The following SLCO5A1 variants were observed in gnomAD, a reference collection of about 807,000 sequenced individuals.
SLCO5A1 encodes the protein solute carrier organic anion transporter family member 5A1.
Under a neutral mutation model 65.1 loss-of-function variants are expected in SLCO5A1, and 39 were observed. The ratio of observed to expected loss-of-function variants is 0.60; its 90% CI spans 0.46 to 0.78. The LOEUF is 0.78. Ranked by LOEUF, SLCO5A1 falls within the 30% of genes least tolerant of loss-of-function variation. The pLI, the probability that SLCO5A1 is intolerant of heterozygous loss-of-function variation, is 0.00. For missense variants in SLCO5A1, 1,029 were observed against 1,069.4 expected, an observed-to-expected ratio of 0.96 and a Z score of 0.53; for synonymous variants, 438 against 415.7, an observed-to-expected ratio of 1.05 and a Z score of -0.65.
chr8:69,749,739 C>CAAA lies in SLCO5A1; in HGVS notation c.1258+5682_1258+5684dup, dbSNP rs34565270. On this transcript the variant is annotated intron_variant, in intron 4 of 9. Coordinates refer to ENST00000260126, the MANE Select transcript of SLCO5A1 (RefSeq NM_030958.3). ...TAAACTTAGCAGGAAATGTAATGGA[C>CAAA]AAAAAAAAAAAAACATTCCTGTCTT... Among the ~76,000 whole-genome samples, 286 of 110,950 alleles carry CAAA rather than the reference C, an allele frequency of 2.6e-3. 1 individual carries two copies. Among genetic ancestry groups the CAAA allele is most frequent in the African/African-American group, 6.3e-3 (217 of 34,224 alleles). 72.8% of individuals were successfully genotyped at this position (110,950 alleles called of 152,430 possible). A position where few individuals can be genotyped will look rare whatever the true frequency, so the allele number is the denominator to read the frequency against.
chr8:69,812,676 A>G (rs1873547), intron 2 of SLCO5A1, among the ~76,000 whole-genome samples: 89,181 of 151,990 alleles, frequency 0.59, 27,631 homozygotes, highest in African/African-American at 0.81. Context: ...CCAGCAATTT[A>G]GAGTAACACT....
intron 2 of SLCO5A1, among the ~76,000 whole-genome samples, chr8:69,818,459 C>A (rs551545006): frequency 2.6e-5 from 4 of 152,172 alleles, no homozygotes; most frequent in Non-Finnish European, 5.9e-5. Context: ...CCCTGAGAGT[C>A]TCACACACAT....
At chr8:69,680,909 T>C (rs949756267) in intron 7 of SLCO5A1, among the ~76,000 whole-genome samples, 2 of 152,176 alleles carry the variant, frequency 1.3e-5, no homozygotes, top group African/African-American at 2.4e-5. Flanking sequence ...CTGGCCTTCA[T>C]TGCAACCTTT....
intron 6 of SLCO5A1, among the ~76,000 whole-genome samples, chr8:69,701,717 C>T (rs947614062): frequency 8.5e-5 from 13 of 152,198 alleles, no homozygotes; most frequent in African/African-American, 3.1e-4. Flanking sequence ...ATTGAAGTCT[C>T]ATTTCTCCCT....
In SLCO5A1 at chr8:69,832,950, C is replaced by A; in HGVS notation, c.-277G>T. On this transcript the variant is annotated 5_prime_UTR_variant, in exon 2 of 10. Transcript: ENST00000260126. The surrounding 1 kb of genome is among the most constrained non-coding windows in gnomAD (Gnocchi z 4.5). The stretch of plus-strand genomic sequence containing the variant: ...GCCCTACTCGGCGTCCCTCTCCGGG[C>A]GGTAGCTTGAGGCAGGCGCCTCGCG... 6.9e-6 allele frequency: 3 copies of A among 434,064 alleles called. No individual in the cohort carries two copies. The highest frequency in any genetic ancestry group is 5.9e-4 in the Middle Eastern group (1 of 1,688). The allele number at this position is 434,064 out of a possible 1,614,324, so 26.9% of individuals were successfully genotyped here.
At position 69,672,023 on chromosome 8, in the gene SLCO5A1, T is replaced by C. The variant is rs112324803; in HGVS notation, c.*846A>G. ...CAACAATTTTCTTGGATGAGAAAGC[T>C]GTCATTTTCTTTCCCTATTATGCAT... is the stretch of plus-strand genomic sequence containing the variant. On this transcript the variant is annotated 3_prime_UTR_variant, in exon 10 of 10. Coordinates refer to ENST00000260126, the MANE Select transcript of SLCO5A1 (RefSeq NM_030958.3). 47 of 152,382 alleles carry C rather than the reference T, an allele frequency of 3.1e-4. No homozygotes were observed. The highest frequency in any genetic ancestry group is 3.4e-3 in the Middle Eastern group (1 of 294). The allele number at this position is 152,382 out of a possible 1,614,324, so 9.4% of individuals were successfully genotyped here.
chr8:69,823,072 C>A (rs1301547379), intron 2 of SLCO5A1, among the ~76,000 whole-genome samples: 1 of 152,188 alleles, frequency 6.6e-6, no homozygotes, highest in Non-Finnish European at 1.5e-5. Context: ...CCTTTTCCTA[C>A]CTAGTTCGGC....
Position 69,832,953 on chromosome 8 carries a change from T to G in SLCO5A1, c.-280A>C. 7.2e-6 allele frequency: 3 copies of G among 418,946 alleles called. No homozygotes were observed. The highest frequency in any genetic ancestry group is 4.4e-5 in the Admixed American group (1 of 22,572). 26.0% of individuals were successfully genotyped at this position (418,946 alleles called of 1,614,324 possible). A position where few individuals can be genotyped will look rare whatever the true frequency, so the allele number is the denominator to read the frequency against. On this transcript the variant is annotated 5_prime_UTR_variant, in exon 2 of 10. Transcript: ENST00000260126. This position sits in a 1 kb window ranked among gnomAD's most constrained non-coding sequence, Gnocchi z 4.5. ...CTACTCGGCGTCCCTCTCCGGGCGG[T>G]AGCTTGAGGCAGGCGCCTCGCGCGT...
In SLCO5A1 at chr8:69,670,522, G is replaced by T. The variant is rs1475891627; in HGVS notation, c.*2347C>A. 1 of 152,152 alleles carries T rather than the reference G, an allele frequency of 6.6e-6. No individual in the cohort carries two copies. The highest frequency in any genetic ancestry group is 2.4e-5 in the African/African-American group (1 of 41,428). 9.4% of individuals were successfully genotyped at this position (152,152 alleles called of 1,614,324 possible). ...TGCTATTTATAAGGAGCAGATACTTGAGGAAGTACAATATTAACACTGTGG... is the reference window on the plus strand; with the variant it reads ...TGCTATTTATAAGGAGCAGATACTTTAGGAAGTACAATATTAACACTGTGG... On this transcript the variant is annotated 3_prime_UTR_variant, in exon 10 of 10. Transcript: ENST00000260126.
intron 2 of SLCO5A1, among the ~76,000 whole-genome samples, chr8:69,791,239 G>A (rs1482307420): frequency 6.6e-6 from 1 of 152,164 alleles, no homozygotes; most frequent in Non-Finnish European, 1.5e-5. Flanking sequence ...CCACCTGGGT[G>A]TTCTAGGGTA....
Position 69,682,325 on chromosome 8 carries a change from G to C in SLCO5A1, c.1641C>G (p.Pro547=). The C allele has an allele frequency of 6.2e-7, 1 of 1,605,790 alleles. No homozygotes were observed. Among genetic ancestry groups the C allele is most frequent in the Non-Finnish European group, 8.5e-7 (1 of 1,176,766 alleles). ...TGCAGCTTCCTGTCAGATTCCTATG[G>C]GGCATGGTGAGAGAAGGTCTAAGAG... The part of the protein sequence containing the change: ...PYTTGPSLTM[P]HRNLTGSCNV... Residue 547 remains proline, a synonymous_variant, in exon 7 of 10, where the codon CCC becomes CCG. Transcript: ENST00000260126.
At chr8:69,768,504 GAAAC>G (rs1818177071) in intron 2 of SLCO5A1, among the ~76,000 whole-genome samples, 1 of 152,158 alleles carries the variant, frequency 6.6e-6, no homozygotes, top group African/African-American at 2.4e-5. Flanking sequence ...GGTGGCTTAA[GAAAC>G]CGACATTGAT....
Position 69,673,119 on chromosome 8 carries a change from C to A in SLCO5A1, c.2297G>T (p.Gly766Val). The change falls in exon 10 of 10, where the codon GGA becomes GTA. Residue 766 changes from glycine (G) to valine (V), a missense_variant. Physicochemically the swap from Gly to Val is moderately radical, Grantham distance 109 (BLOSUM62 -3). Coordinates refer to ENST00000260126, the MANE Select transcript of SLCO5A1 (RefSeq NM_030958.3). ...AWYSIKYKED[G>V]LQRRRQREFP... ...TTCTCTCTGCCTCCGCCTCTGCAGT[C>A]CATCCTCCTTGTATTTTATGGAGTA... 1 of 1,614,218 alleles carries A rather than the reference C, an allele frequency of 6.2e-7. No homozygotes were observed. Among genetic ancestry groups the A allele is most frequent in the Non-Finnish European group, 8.5e-7 (1 of 1,180,040 alleles).
rs1813259123 is a variant in SLCO5A1, at chr8:69,668,995, A to T, written c.*3874T>A. 1 of 151,430 alleles carries T rather than the reference A, an allele frequency of 6.6e-6. No individual in the cohort carries two copies. The highest frequency in any genetic ancestry group is 2.1e-4 in the South Asian group (1 of 4,808). The allele number at this position is 151,430 out of a possible 1,614,324, so 9.4% of individuals were successfully genotyped here. On this transcript the variant is annotated 3_prime_UTR_variant, in exon 10 of 10. Transcript: ENST00000260126. ...TGTTAATATTCTGAAAGAGGAAAAT[A>T]AAAAAAAATACACTTGAAATCCCTA...
rs572959160 is a variant in SLCO5A1 at position 69,707,372 on chromosome 8, G to A, written c.1424-2143C>T. On this transcript the variant is annotated intron_variant, in intron 5 of 9. Transcript: ENST00000260126. ...GAGACAGAATCTGCCCAATGGACCA[G>A]CACAGAGAATATCCTACACAAAGAA... Among the ~76,000 whole-genome samples, 3 of 152,254 alleles carry A rather than the reference G, an allele frequency of 2.0e-5. No homozygotes were observed. The South Asian group carries it at 6.2e-4, about 32-fold the overall frequency.
chr8:69,761,791 C>T lies in SLCO5A1; in HGVS notation c.992G>A (p.Arg331Lys), dbSNP rs1208787125. ...ATTCTGGTCAAGGTGAACAGGATTTCTGGGATCAACATAAAAACCAATAAG... is the reference window on the plus strand; with the variant it reads ...ATTCTGGTCAAGGTGAACAGGATTTTTGGGATCAACATAAAAACCAATAAG... Reference protein sequence around the residue: ...GLLIGFYVDPRNPVHLDQNDP... With the variant: ...GLLIGFYVDPKNPVHLDQNDP... Residue 331 changes from arginine to lysine, a missense_variant, in exon 3 of 10, where the codon AGA (arginine) becomes AAA (lysine). Physicochemically the swap from Arg to Lys is conservative, Grantham distance 26 (BLOSUM62 2). Coordinates refer to ENST00000260126, the MANE Select transcript of SLCO5A1 (RefSeq NM_030958.3). 1.9e-6 allele frequency: 3 copies of T among 1,613,884 alleles called. No individual in the cohort carries two copies. In the African/African-American group the frequency reaches 4.0e-5, roughly 22 times the overall value.
chr8:69,672,181 A>C lies in SLCO5A1; in HGVS notation c.*688T>G, dbSNP rs991929970. 5 of 152,282 alleles carry C rather than the reference A, an allele frequency of 3.3e-5. No individual in the cohort carries two copies. The highest frequency in any genetic ancestry group is 6.5e-5 in the Admixed American group (1 of 15,284). The allele number at this position is 152,282 out of a possible 1,614,324, so 9.4% of individuals were successfully genotyped here. A position where few individuals can be genotyped will look rare whatever the true frequency, so the allele number is the denominator to read the frequency against. On this transcript the variant is annotated 3_prime_UTR_variant, in exon 10 of 10. Coordinates refer to ENST00000260126, the MANE Select transcript of SLCO5A1 (RefSeq NM_030958.3). Reference sequence around the variant, plus strand: ...CTCTTTATCTTAGGATGGGGCAGGCAGACTGAAAGAGAATGTGTCCTACGA... The same window carrying C: ...CTCTTTATCTTAGGATGGGGCAGGCCGACTGAAAGAGAATGTGTCCTACGA...
chr8:69,765,433 C>T (rs1051995541), intron 2 of SLCO5A1, among the ~76,000 whole-genome samples: 13 of 151,404 alleles, frequency 8.6e-5, no homozygotes, highest in African/African-American at 2.7e-4. Flanking sequence ...GGCACATATA[C>T]ATATATAATT....
At chr8:69,748,744 A>G (rs1443494841) in intron 4 of SLCO5A1, among the ~76,000 whole-genome samples, 1 of 152,212 alleles carries the variant, frequency 6.6e-6, no homozygotes, top group East Asian at 1.9e-4. Context: ...TTCACAGTGC[A>G]GTTCCTGGAC....
Sources: allele counts gnomAD v4.1 joint callset (sites outside exome capture counted in the v4.1 genomes callset), GRCh38; gene constraint gnomAD v4.1.1; non-coding constraint Gnocchi (gnomAD v3.1); transcripts MANE v1.5; gene names NCBI Gene and HGNC (gene_info 2026-07-23, HGNC 2026-07-21).